The following CNOT4 variants were observed in gnomAD, a reference collection of about 807,000 sequenced individuals.
CNOT4 encodes the protein CCR4-associated factor 4.
CNOT4 carries 8 observed loss-of-function variants against 73.8 expected under a neutral mutation model. The ratio of observed to expected loss-of-function variants is 0.11; its 90% CI spans 0.06 to 0.20. The LOEUF (loss-of-function observed/expected upper bound fraction) is 0.20, where lower values mean the gene tolerates loss of function less well. CNOT4 is among the 10% of genes least tolerant of loss of function. The pLI is 1.00. For synonymous variants in CNOT4, 293 were observed against 321.1 expected, an observed-to-expected ratio of 0.91 and a Z score of 0.94; for missense variants, 564 against 883.4, an observed-to-expected ratio of 0.64 and a Z score of 4.58.
intron 1 of CNOT4, among the ~76,000 whole-genome samples, chr7:135,448,283 G>A (rs1051526404): frequency 7.9e-5 from 12 of 152,186 alleles, no homozygotes; most frequent in Admixed American, 5.9e-4. Context: ...GGTGGCTCAC[G>A]CCTGTAATCC....
At chr7:135,506,415 T>C (rs1485364217) in intron 1 of CNOT4, among the ~76,000 whole-genome samples, 2 of 152,238 alleles carry the variant, frequency 1.3e-5, no homozygotes, top group African/African-American at 4.8e-5. Context: ...TTATAGTTAC[T>C]GTAAGAGAGC....
intron 1 of CNOT4, among the ~76,000 whole-genome samples, chr7:135,454,569 G>T (rs1447674727): frequency 5.3e-5 from 8 of 152,028 alleles, no homozygotes; most frequent in African/African-American, 1.9e-4. Context: ...AGCTACACAG[G>T]AGGGTGAGGC....
intron 1 of CNOT4, among the ~76,000 whole-genome samples, chr7:135,479,198 ATTTTTTTTTTT>A (rs61487024): frequency 5.0e-4 from 45 of 89,872 alleles, no homozygotes; most frequent in African/African-American, 1.9e-3. Context: ...TTAGAACCAA[ATTTTTTTTTTT>A]TTTTTTTTTT....
At chr7:135,446,750 CAT>C (rs1258846087) in intron 1 of CNOT4, among the ~76,000 whole-genome samples, 2 of 151,816 alleles carry the variant, frequency 1.3e-5, no homozygotes, top group African/African-American at 4.8e-5. Flanking sequence ...CACACACACA[CAT>C]GCACACTTTG....
At chr7:135,480,839 T>C (rs1028337420) in intron 1 of CNOT4, among the ~76,000 whole-genome samples, 12 of 145,228 alleles carry the variant, frequency 8.3e-5, no homozygotes, top group Admixed American at 7.8e-4. Context: ...GAGCATACAC[T>C]GAAGAAAGGA....
At chr7:135,393,825 G>A in intron 10 of CNOT4, 93 bp downstream of exon 10, 1 of 801,168 alleles carries the variant, frequency 1.2e-6, no homozygotes, top group Non-Finnish European at 2.1e-6. Flanking sequence ...CAAGATATTA[G>A]TACTCTGTTA....
intron 1 of CNOT4, among the ~76,000 whole-genome samples, chr7:135,484,821 T>C (rs923862818): frequency 6.6e-6 from 1 of 151,492 alleles, no homozygotes; most frequent in African/African-American, 2.4e-5. Flanking sequence ...ACATGAAAGC[T>C]GAAATTTAAA....
intron 9 of CNOT4, 148 bp from the exon 10 acceptor site, chr7:135,394,563 A>G: frequency 1.5e-6 from 1 of 673,210 alleles, no homozygotes; most frequent in South Asian, 2.0e-5. Context: ...TTAAGATCAT[A>G]TAATTACAAA....
chr7:135,375,621 T>G (rs967450993), intron 10 of CNOT4, among the ~76,000 whole-genome samples: 25 of 152,264 alleles, frequency 1.6e-4, no homozygotes, highest in African/African-American at 4.6e-4. Context: ...ATGTGTTAGT[T>G]TTTTTAAAAG....
At chr7:135,506,414 C>T (rs1252367319) in intron 1 of CNOT4, among the ~76,000 whole-genome samples, 1 of 152,190 alleles carries the variant, frequency 6.6e-6, no homozygotes, top group Non-Finnish European at 1.5e-5. Context: ...ATTATAGTTA[C>T]TGTAAGAGAG....
At chr7:135,443,961 C>A (rs1358081888) in intron 1 of CNOT4, among the ~76,000 whole-genome samples, 2 of 151,960 alleles carry the variant, frequency 1.3e-5, no homozygotes, top group Admixed American at 6.6e-5. Context: ...CCAGCCTGGG[C>A]AACATGATGA....
chr7:135,438,363 A>G lies in CNOT4; in HGVS notation c.-32T>C, dbSNP rs770580034. ...GTTTATTAAACAGCAGCAAAAGTTT[A>G]TAATAATTTAAGGGAGAAGGAAGTT... On this transcript the variant is annotated 5_prime_UTR_variant, in exon 2 of 12. Transcript: ENST00000541284. The G allele has an allele frequency of 1.2e-5, 18 of 1,555,402 alleles. No individual in the cohort carries two copies. The East Asian group carries it at 1.4e-4, about 12-fold the overall frequency.
chr7:135,381,485 C>T lies in CNOT4; in HGVS notation c.1627+12433G>A, dbSNP rs149248936. 1.2e-4 allele frequency among the ~76,000 whole-genome samples: 19 copies of T among 152,296 alleles called. No individual in the cohort carries two copies. In the East Asian group the frequency reaches 3.7e-3, roughly 29 times the overall value. Reference sequence around the variant, plus strand: ...TTGCCTAGAGCTCCTTGCACTGCCCCCCACTGCCTTTTTAAAAGGGTGTAT... The same window carrying T: ...TTGCCTAGAGCTCCTTGCACTGCCCTCCACTGCCTTTTTAAAAGGGTGTAT... On this transcript the variant is annotated intron_variant, in intron 10 of 11. Transcript: ENST00000541284.
chr7:135,406,660 T>A (rs1009884870), intron 7 of CNOT4, among the ~76,000 whole-genome samples: 8 of 151,758 alleles, frequency 5.3e-5, no homozygotes, highest in African/African-American at 1.2e-4. Flanking sequence ...CTCTCAAAAA[T>A]TTTTTTTTAT....
chr7:135,462,403 A>G (rs2129486349), intron 1 of CNOT4, among the ~76,000 whole-genome samples: 1 of 152,260 alleles, frequency 6.6e-6, no homozygotes, highest in East Asian at 1.9e-4. Context: ...TAAAAGGTCC[A>G]CTTTACAGTC....
chr7:135,401,502 T>C (rs746947755), intron 7 of CNOT4, among the ~76,000 whole-genome samples: 5 of 152,154 alleles, frequency 3.3e-5, no homozygotes, highest in Non-Finnish European at 5.9e-5. Context: ...AATCAACCTC[T>C]TTCTACTGCA....
chr7:135,469,921 A>C (rs1264681861), intron 1 of CNOT4, among the ~76,000 whole-genome samples: 2 of 152,062 alleles, frequency 1.3e-5, no homozygotes, highest in Non-Finnish European at 2.9e-5. Flanking sequence ...TCCTAGGTTT[A>C]AGCAATTCTC....
chr7:135,476,136 T>C (rs1261628020), intron 1 of CNOT4, among the ~76,000 whole-genome samples: 2 of 152,114 alleles, frequency 1.3e-5, no homozygotes, highest in South Asian at 2.1e-4. Flanking sequence ...ACAATATCTA[T>C]GACATCAAAA....
chr7:135,462,778 A>T (rs1323148912), intron 1 of CNOT4, among the ~76,000 whole-genome samples: 1 of 152,206 alleles, frequency 6.6e-6, no homozygotes, highest in East Asian at 1.9e-4. Context: ...GTTTCTATAG[A>T]CCTGAGCTTC....
Sources: gnomAD v4.1 joint callset for allele counts (sites outside exome capture counted in the v4.1 genomes callset) on GRCh38, gnomAD v4.1.1 for gene constraint, MANE v1.5 for transcripts, NCBI Gene and HGNC (gene_info 2026-07-23, HGNC 2026-07-21) for gene names.